PHLPP1: variants seen among roughly 807,000 people sequenced by gnomAD.
The protein encoded by PHLPP1 is PH domain and leucine rich repeat protein phosphatase 1.
A neutral mutation model predicts 117.2 loss-of-function variants in PHLPP1; 42 were observed. The ratio of observed to expected loss-of-function variants is 0.36; its 90% CI spans 0.28 to 0.46. The LOEUF (loss-of-function observed/expected upper bound fraction) is 0.46, where lower values mean the gene tolerates loss of function less well. Among genes scored for constraint, PHLPP1 ranks in the 20% least tolerant of loss-of-function variants. PHLPP1 has a pLI of 1.00. For synonymous variants in PHLPP1, 1,042 were observed against 970.7 expected (o/e 1.07, Z -1.37); for missense variants, 2,084 against 2,241.9 (o/e 0.93, Z 1.42).
intron 6 of PHLPP1, among the ~76,000 whole-genome samples, chr18:62,900,507 C>T (rs1271766383): frequency 8.3e-6 from 1 of 121,146 alleles, no homozygotes; most frequent in Non-Finnish European, 1.6e-5. Context: ...GCAATCACAG[C>T]TTGTTACCCA....
intron 1 of PHLPP1, among the ~76,000 whole-genome samples, chr18:62,761,933 T>G (rs971503899): frequency 2.6e-5 from 4 of 152,022 alleles, no homozygotes; most frequent in Non-Finnish European, 5.9e-5. Flanking sequence ...TTAAACAGAT[T>G]TAGAAAATAC....
chr18:62,895,701 C>T, intron 5 of PHLPP1, 80 bp from the exon 6 acceptor site: 1 of 920,384 alleles, frequency 1.1e-6, no homozygotes, highest in South Asian at 1.5e-5. Flanking sequence ...ATACGGTCTA[C>T]ACTTATGGAA....
At chr18:62,874,542 A>C (rs1176872381) in intron 4 of PHLPP1, among the ~76,000 whole-genome samples, 2 of 152,138 alleles carry the variant, frequency 1.3e-5, no homozygotes, top group Non-Finnish European at 2.9e-5. Context: ...TTATTTACCA[A>C]GTTTTTCCAG....
intron 1 of PHLPP1, among the ~76,000 whole-genome samples, chr18:62,810,370 T>G (rs1026935402): frequency 6.6e-6 from 1 of 152,316 alleles, no homozygotes; most frequent in African/African-American, 2.4e-5. Flanking sequence ...TAATTTTTTT[T>G]TGTGGTAATC....
intron 1 of PHLPP1, among the ~76,000 whole-genome samples, chr18:62,752,245 C>A (rs932603986): frequency 6.6e-6 from 1 of 151,958 alleles, no homozygotes; most frequent in Non-Finnish European, 1.5e-5. Flanking sequence ...CCTGTCCAGG[C>A]CCCCCGCGCC....
chr18:62,773,316 A>C (rs1364313918), intron 1 of PHLPP1, among the ~76,000 whole-genome samples: 1 of 152,222 alleles, frequency 6.6e-6, no homozygotes, highest in Non-Finnish European at 1.5e-5. Context: ...CCATAGGTAG[A>C]AGGTGGAACG....
chr18:62,857,789 C>G (rs1418825314), intron 3 of PHLPP1, among the ~76,000 whole-genome samples: 4 of 152,174 alleles, frequency 2.6e-5, no homozygotes, highest in Non-Finnish European at 5.9e-5. Flanking sequence ...TTGATGTGTA[C>G]TCATTCAGGG....
At chr18:62,929,224 T>C (rs576285118) in intron 10 of PHLPP1, among the ~76,000 whole-genome samples, 2 of 152,326 alleles carry the variant, frequency 1.3e-5, no homozygotes, top group Admixed American at 6.5e-5. Context: ...TCCAGGAATC[T>C]GCTAAAGCTG....
At chr18:62,958,970 A>C (rs1011825033) in intron 13 of PHLPP1, among the ~76,000 whole-genome samples, 5 of 152,276 alleles carry the variant, frequency 3.3e-5, no homozygotes, top group Admixed American at 2.0e-4. Context: ...TGTGACAGTT[A>C]ATGCAAATAT....
At chr18:62,912,913 G>T (rs1050124182) in intron 8 of PHLPP1, among the ~76,000 whole-genome samples, 2 of 152,198 alleles carry the variant, frequency 1.3e-5, no homozygotes, top group East Asian at 1.9e-4. Flanking sequence ...GAACCACCAT[G>T]CCCGGCCCAG....
chr18:62,892,006 A>G (rs1916429258), intron 4 of PHLPP1, among the ~76,000 whole-genome samples: 1 of 151,190 alleles, frequency 6.6e-6, no homozygotes, highest in Non-Finnish European at 1.5e-5. Flanking sequence ...AAATGAAAAA[A>G]CAGTTTTTCA....
At chr18:62,812,275 G>A (rs8098918) in intron 1 of PHLPP1, among the ~76,000 whole-genome samples, 32,048 of 152,000 alleles carry the variant, frequency 0.21, 4,991 homozygotes, top group African/African-American at 0.44. Context: ...ATTTTATTAT[G>A]TACTTAGGAG....
chr18:62,891,909 A>G (rs1464338779), intron 4 of PHLPP1, among the ~76,000 whole-genome samples: 5 of 149,334 alleles, frequency 3.3e-5, no homozygotes, highest in South Asian at 4.2e-4. Context: ...AAAAAAAAAA[A>G]AAAAGAAAGA....
intron 1 of PHLPP1, among the ~76,000 whole-genome samples, chr18:62,759,180 G>T (rs575242757): frequency 6.6e-6 from 1 of 152,306 alleles, no homozygotes; most frequent in Non-Finnish European, 1.5e-5. Flanking sequence ...GCCTATAATG[G>T]TATGGAGTGT....
chr18:62,829,972 T>C, intron 1 of PHLPP1, 63 bp from the exon 2 acceptor site: 1 of 1,185,824 alleles, frequency 8.4e-7, no homozygotes, highest in South Asian at 1.5e-5. Flanking sequence ...ATATCTGCTA[T>C]GTAGATGAGT....
chr18:62,803,852 T>C (rs1169352358), intron 1 of PHLPP1, among the ~76,000 whole-genome samples: 1 of 152,222 alleles, frequency 6.6e-6, no homozygotes, highest in Non-Finnish European at 1.5e-5. Context: ...TGTCAACGTT[T>C]GCTATTGTTG....
intron 4 of PHLPP1, among the ~76,000 whole-genome samples, chr18:62,893,063 G>A (rs953825555): frequency 2.1e-4 from 31 of 149,206 alleles, no homozygotes; most frequent in Non-Finnish European, 1.9e-4. Context: ...TTTTTTTGAG[G>A]CAGAGTCTCG....
At position 62,817,268 on chromosome 18, in the gene PHLPP1, A is replaced by C. The variant is rs372061226; in HGVS notation, c.1577-12767A>C. 1.9e-4 allele frequency among the ~76,000 whole-genome samples: 29 copies of C among 152,346 alleles called. No homozygotes were observed. In the South Asian group the frequency reaches 5.8e-3, roughly 31 times the overall value. ...TCTGTGGAACTCAACTAACACAGAA[A>C]TGATACAAATGATAGACTTAGTTGC... On this transcript the variant is annotated intron_variant, in intron 1 of 16. Transcript: ENST00000262719.
chr18:62,954,805 A>T (rs1467587143), intron 12 of PHLPP1, among the ~76,000 whole-genome samples: 1 of 152,240 alleles, frequency 6.6e-6, no homozygotes, highest in Non-Finnish European at 1.5e-5. Flanking sequence ...CTGGTATCTC[A>T]GTTCCCATCC....
Sources: allele counts gnomAD v4.1 joint callset (sites outside exome capture counted in the v4.1 genomes callset), GRCh38; gene constraint gnomAD v4.1.1; transcripts MANE v1.5; gene names NCBI Gene and HGNC (gene_info 2026-07-23, HGNC 2026-07-21).